The following MRPS27 variants were observed in gnomAD, a reference collection of about 807,000 sequenced individuals.
MRPS27 encodes small ribosomal subunit protein mS27.
A neutral mutation model predicts 48.9 loss-of-function variants in MRPS27; 43 were observed. That is an observed-to-expected ratio of 0.88 (90% CI 0.69 to 1.13). The LOEUF is 1.13. Ranked by LOEUF, MRPS27 falls within the 50% of genes most tolerant of loss-of-function variation. The pLI is 0.00. For synonymous variants in MRPS27, 188 were observed against 171.9 expected (o/e 1.09, Z -0.73); for missense variants, 467 against 476.3 (o/e 0.98, Z 0.18).
chr5:72,299,351 G>A (rs56138038), intron 2 of MRPS27, among the ~76,000 whole-genome samples: 14,372 of 151,380 alleles, frequency 0.095, 1,543 homozygotes, highest in African/African-American at 0.26. Context: ...GGGGAGGGGC[G>A]GGGAAAGGAT....
intron 4 of MRPS27, chr5:72,294,659 T>C (rs1426218175): frequency 6.6e-6 from 1 of 152,124 alleles, no homozygotes; most frequent in African/African-American, 2.4e-5. Flanking sequence ...CTGAGTTTTG[T>C]GGGTAGTTCA....
intron 4 of MRPS27, among the ~76,000 whole-genome samples, chr5:72,285,584 C>G (rs1234800536): frequency 6.6e-6 from 1 of 152,126 alleles, no homozygotes; most frequent in African/African-American, 2.4e-5. Flanking sequence ...CTCATTGTAG[C>G]CTTGAACTTC....
intron 2 of MRPS27, among the ~76,000 whole-genome samples, chr5:72,298,271 G>C (rs1201674480): frequency 6.6e-6 from 1 of 151,812 alleles, no homozygotes; most frequent in African/African-American, 2.4e-5. Context: ...ACCAACATAG[G>C]AAAAAAATGC....
At chr5:72,232,339 G>T in intron 7 of MRPS27, 104 bp downstream of exon 7, 1 of 695,752 alleles carries the variant, frequency 1.4e-6, no homozygotes, top group Non-Finnish European at 2.4e-6. Flanking sequence ...ATTCCTGGTT[G>T]TGCCTGGCCA....
intron 5 of MRPS27, 27 bp from the exon 6 acceptor site, chr5:72,234,224 A>G: frequency 1.4e-6 from 2 of 1,425,416 alleles, no homozygotes; most frequent in Non-Finnish European, 1.9e-6. Context: ...CATAACAGGA[A>G]AAAAAGAGAA....
intron 2 of MRPS27, among the ~76,000 whole-genome samples, chr5:72,300,139 G>A (rs1003001154): frequency 6.6e-6 from 1 of 152,302 alleles, no homozygotes; most frequent in South Asian, 2.1e-4. Flanking sequence ...AATAACCACT[G>A]CCACATTGTT....
intron 4 of MRPS27, among the ~76,000 whole-genome samples, chr5:72,278,385 G>C (rs1749438978): frequency 6.8e-6 from 1 of 147,298 alleles, no homozygotes; most frequent in South Asian, 2.1e-4. Context: ...GGAGATTGCA[G>C]TGAGCCGAGA....
intron 4 of MRPS27, among the ~76,000 whole-genome samples, chr5:72,282,542 T>C (rs1388501939): frequency 1.3e-5 from 2 of 152,260 alleles, no homozygotes; most frequent in Middle Eastern, 3.4e-3. Context: ...AAGGGGTTTA[T>C]ACTGTAGAAA....
chr5:72,238,179 AAC>A, intron 4 of MRPS27, 51 bp from the exon 5 acceptor site: 1 of 1,238,652 alleles, frequency 8.1e-7, no homozygotes, highest in Middle Eastern at 1.9e-4. Flanking sequence ...TATATGTTAA[AAC>A]ACATCTTCCA....
chr5:72,228,264 A>G lies in MRPS27; in HGVS notation c.694+2T>C, dbSNP rs1386472591. ...AGTATTTGTAAGGATCATTTAGCTT[A>G]CCAAGAAGTGCATAGCCATACAACT... On this transcript the variant is annotated splice_donor_variant, in intron 8 of 10. Transcript: ENST00000261413. LOFTEE classifies it high-confidence loss of function. The G allele has an allele frequency of 1.2e-6, 2 of 1,605,084 alleles. No homozygotes were observed. The highest frequency in any genetic ancestry group is 1.7e-6 in the Non-Finnish European group (2 of 1,171,864).
intron 4 of MRPS27, chr5:72,241,818 A>G (rs1748358555): frequency 5.0e-6 from 4 of 802,432 alleles, no homozygotes; most frequent in Non-Finnish European, 8.1e-6. Flanking sequence ...CAGCCACTGT[A>G]GGAGTCCCCT....
chr5:72,223,925 G>A (rs1368710713), intron 9 of MRPS27, 75 bp from the exon 10 acceptor site: 8 of 1,465,182 alleles, frequency 5.5e-6, no homozygotes, highest in Non-Finnish European at 6.5e-6. Context: ...GGCTAGAGAA[G>A]GCGAAAGAAA....
chr5:72,300,837 A>T (rs1750108083), intron 2 of MRPS27, among the ~76,000 whole-genome samples: 1 of 152,200 alleles, frequency 6.6e-6, no homozygotes, highest in Admixed American at 6.5e-5. Flanking sequence ...AAATCAGCCA[A>T]TCAGGATAAA....
At chr5:72,269,462 A>G (rs1749180507) in intron 4 of MRPS27, among the ~76,000 whole-genome samples, 1 of 152,254 alleles carries the variant, frequency 6.6e-6, no homozygotes, top group Non-Finnish European at 1.5e-5. Flanking sequence ...ATGGAGGCTG[A>G]GCAAAGAATT....
chr5:72,256,894 A>C (rs961265761), intron 4 of MRPS27, among the ~76,000 whole-genome samples: 2 of 152,214 alleles, frequency 1.3e-5, no homozygotes, highest in Non-Finnish European at 2.9e-5. Flanking sequence ...ATATATCACT[A>C]TTCTTGTAAG....
chr5:72,291,150 C>G (rs757749411), intron 4 of MRPS27, among the ~76,000 whole-genome samples: 2 of 152,096 alleles, frequency 1.3e-5, no homozygotes, highest in Non-Finnish European at 2.9e-5. Context: ...AGACAGAAAA[C>G]CCATCAATTA....
chr5:72,242,124 T>A lies in MRPS27; in HGVS notation c.282-3996A>T, dbSNP rs6890107. Among the ~76,000 whole-genome samples, 568 of 152,308 alleles carry A rather than the reference T, an allele frequency of 3.7e-3. 1 individual carries two copies. The highest frequency in any genetic ancestry group is 0.013 in the African/African-American group (552 of 41,578). On this transcript the variant is annotated intron_variant, in intron 4 of 10. Transcript: ENST00000261413. The stretch of plus-strand genomic sequence containing the variant: ...TCTAGTTCTAAAAGTTGGTATCCCA[T>A]GGCTAAAGAGATCTCTGTCCCCAGT...
intron 2 of MRPS27, among the ~76,000 whole-genome samples, chr5:72,309,271 CTT>C (rs1422002762): frequency 6.9e-6 from 1 of 145,664 alleles, no homozygotes; most frequent in African/African-American, 2.5e-5. Context: ...TCATTGCAGA[CTT>C]TTTTTTTTTT....
At chr5:72,238,528 T>C (rs2111961895) in intron 4 of MRPS27, among the ~76,000 whole-genome samples, 1 of 152,292 alleles carries the variant, frequency 6.6e-6, no homozygotes, top group East Asian at 1.9e-4. Flanking sequence ...AAAAATAGGA[T>C]AGCACAGCAA....
Sources: gnomAD v4.1 joint callset for allele counts (sites outside exome capture counted in the v4.1 genomes callset) on GRCh38, gnomAD v4.1.1 for gene constraint, MANE v1.5 for transcripts, NCBI Gene and HGNC (gene_info 2026-07-23, HGNC 2026-07-21) for gene names.